CABCOCO1: variants seen among roughly 807,000 people sequenced by gnomAD.
The protein encoded by CABCOCO1 is ciliary-associated calcium-binding coiled-coil protein 1.
A neutral mutation model predicts 35.7 loss-of-function variants in CABCOCO1; 28 were observed. That is an observed-to-expected ratio of 0.78 (90% confidence interval 0.58 to 1.07). The LOEUF (loss-of-function observed/expected upper bound fraction) is 1.07, where lower values mean the gene tolerates loss of function less well. CABCOCO1 is among the 50% of genes least tolerant of loss of function. The pLI is 0.00. For synonymous variants in CABCOCO1, 95 were observed against 100.1 expected (o/e 0.95, Z 0.30); for missense variants, 326 against 309.2 (o/e 1.05, Z -0.41).
chr10:61,672,829 A>G (rs899943290), intron 2 of CABCOCO1, 94 bp downstream of exon 2: 2 of 813,298 alleles, frequency 2.5e-6, no homozygotes, highest in South Asian at 5.6e-5. Context: ...TTTTTTCACA[A>G]TATTTGTTAT....
At chr10:61,703,849 C>T (rs1385070651) in intron 5 of CABCOCO1, among the ~76,000 whole-genome samples, 1 of 152,114 alleles carries the variant, frequency 6.6e-6, no homozygotes, top group East Asian at 1.9e-4. Flanking sequence ...AAAAGCTCAG[C>T]CCAAAGATGA....
At chr10:61,723,024 C>T (rs1841060425) in intron 5 of CABCOCO1, among the ~76,000 whole-genome samples, 1 of 152,156 alleles carries the variant, frequency 6.6e-6, no homozygotes, top group Non-Finnish European at 1.5e-5. Flanking sequence ...GATTCAAATC[C>T]TGTCAAAAGT....
intron 5 of CABCOCO1, among the ~76,000 whole-genome samples, chr10:61,726,855 C>T (rs892651836): frequency 2.1e-5 from 3 of 144,540 alleles, no homozygotes; most frequent in Admixed American, 7.1e-5. Context: ...GTCAGGAGTT[C>T]GAGACCAGCC....
intron 1 of CABCOCO1, among the ~76,000 whole-genome samples, chr10:61,664,020 T>G (rs1839091904): frequency 6.6e-6 from 1 of 152,144 alleles, no homozygotes; most frequent in Non-Finnish European, 1.5e-5. Flanking sequence ...ATTTTATAAA[T>G]GAGGAAACAC....
chr10:61,701,260 C>A (rs930670292), intron 5 of CABCOCO1, among the ~76,000 whole-genome samples: 2 of 152,090 alleles, frequency 1.3e-5, no homozygotes, highest in Non-Finnish European at 2.9e-5. Flanking sequence ...CCTTACTCAG[C>A]ATTATTTCTT....
At chr10:61,671,709 TG>T (rs1411838884) in intron 1 of CABCOCO1, among the ~76,000 whole-genome samples, 2 of 152,050 alleles carry the variant, frequency 1.3e-5, no homozygotes, top group African/African-American at 2.4e-5. Context: ...ACTGTTTAAA[TG>T]GCCTCTTTGT....
intron 5 of CABCOCO1, among the ~76,000 whole-genome samples, chr10:61,705,957 TGAAA>T (rs1163284360): frequency 6.6e-6 from 1 of 152,186 alleles, no homozygotes; most frequent in African/African-American, 2.4e-5. Context: ...CAACCATGAA[TGAAA>T]GAGACTGTCT....
At position 61,682,488 on chromosome 10, in the gene CABCOCO1, C is replaced by T. The variant is rs562645968; in HGVS notation, c.334+1176C>T. ...CACTTCAACTAGGTAGCAGTAGACT[C>T]CTGAGCACGTAGCCAGGTCCATAGA... On this transcript the variant is annotated intron_variant, in intron 3 of 7. Transcript: ENST00000648843. Among the ~76,000 whole-genome samples, 10 of 152,254 alleles carry T rather than the reference C, an allele frequency of 6.6e-5. No individual in the cohort carries two copies. In the South Asian group the frequency reaches 1.7e-3, roughly 25 times the overall value.
chr10:61,692,333 A>T (rs1375223213), intron 5 of CABCOCO1, among the ~76,000 whole-genome samples: 1 of 152,034 alleles, frequency 6.6e-6, no homozygotes, highest in Admixed American at 6.6e-5. Context: ...CCGCTTCTGG[A>T]TGGGGTTGCT....
At chr10:61,697,657 T>C (rs1464045909) in intron 5 of CABCOCO1, among the ~76,000 whole-genome samples, 1 of 152,114 alleles carries the variant, frequency 6.6e-6, no homozygotes, top group Non-Finnish European at 1.5e-5. Context: ...GTTAGTCTTT[T>C]ACAATGTGAA....
intron 5 of CABCOCO1, among the ~76,000 whole-genome samples, chr10:61,751,243 A>G (rs1333349747): frequency 1.4e-5 from 2 of 143,086 alleles, no homozygotes; most frequent in Non-Finnish European, 3.0e-5. Flanking sequence ...TTTTCATATA[A>G]CAATTATGGA....
At chr10:61,737,713 C>G (rs1841453311) in intron 5 of CABCOCO1, among the ~76,000 whole-genome samples, 1 of 152,116 alleles carries the variant, frequency 6.6e-6, no homozygotes, top group South Asian at 2.1e-4. Flanking sequence ...AACAGGAAAC[C>G]AAATACCACA....
chr10:61,727,583 T>C (rs1273228338), intron 5 of CABCOCO1, among the ~76,000 whole-genome samples: 2 of 152,164 alleles, frequency 1.3e-5, no homozygotes, highest in African/African-American at 4.8e-5. Flanking sequence ...AGAAACTTGG[T>C]TAAGAAAAAA....
chr10:61,727,382 C>A (rs1379929204), intron 5 of CABCOCO1, among the ~76,000 whole-genome samples: 1 of 152,046 alleles, frequency 6.6e-6, no homozygotes, highest in Non-Finnish European at 1.5e-5. Context: ...AATAGTTTTA[C>A]ATTAATAAGA....
At chr10:61,755,685 A>G (rs1014724786) in intron 5 of CABCOCO1, among the ~76,000 whole-genome samples, 1 of 152,068 alleles carries the variant, frequency 6.6e-6, no homozygotes, top group African/African-American at 2.4e-5. Context: ...TAATAATTTA[A>G]TAATTATCCC....
At chr10:61,761,055 A>T in intron 7 of CABCOCO1, 52 bp downstream of exon 7, 1 of 1,582,928 alleles carries the variant, frequency 6.3e-7, no homozygotes, top group Non-Finnish European at 8.6e-7. Flanking sequence ...TTAATTAGCC[A>T]ACCTTAACTT....
intron 4 of CABCOCO1, among the ~76,000 whole-genome samples, chr10:61,687,653 C>A (rs1177530369): frequency 6.6e-6 from 1 of 152,136 alleles, no homozygotes; most frequent in Non-Finnish European, 1.5e-5. Context: ...TATTTCTTGA[C>A]ATTGTCCTTC....
In CABCOCO1 at chr10:61,680,675, T is replaced by TATATA. The variant is rs1839741199; in HGVS notation, c.165-466_165-465insATAAT. ...TATTATGTTATACATGTATAACATA[T>TATATA]ATGTTATACATGTATAACATATATA... On this transcript the variant is annotated intron_variant, in intron 2 of 7. Coordinates refer to ENST00000648843, the MANE Select transcript of CABCOCO1 (RefSeq NM_001366906.2). Among the ~76,000 whole-genome samples the TATATA allele has an allele frequency of 3.3e-5, 3 of 91,328 alleles. 1 individual carries two copies. The Admixed American group carries it at 3.6e-4, about 11-fold the overall frequency. The allele number at this position is 91,328 out of a possible 152,430, so 59.9% of individuals were successfully genotyped here.
intron 1 of CABCOCO1, among the ~76,000 whole-genome samples, chr10:61,664,581 T>C (rs1839107523): frequency 6.6e-6 from 1 of 152,232 alleles, no homozygotes; most frequent in Non-Finnish European, 1.5e-5. Context: ...GGTATTCTCA[T>C]GACATGCAAT....
Sources: gnomAD v4.1 joint callset for allele counts (sites outside exome capture counted in the v4.1 genomes callset) on GRCh38, gnomAD v4.1.1 for gene constraint, MANE v1.5 for transcripts, NCBI Gene and HGNC (gene_info 2026-07-23, HGNC 2026-07-21) for gene names.